Variants in BTBD9 observed in about 807,000 individuals in gnomAD.
BTBD9 encodes BTB/POZ domain-containing protein 9.
Under a neutral mutation model 64.3 loss-of-function variants are expected in BTBD9, and 49 were observed. The observed-to-expected ratio is 0.76, with a 90% confidence interval of 0.61 to 0.97. BTBD9 has a LOEUF of 0.97. Ranked by LOEUF, BTBD9 falls within the 50% of genes least tolerant of loss-of-function variation. The probability of loss-of-function intolerance (pLI) is 0.00; values close to 1 mark genes in which losing one functional copy is unlikely to be tolerated. For synonymous variants in BTBD9, 260 were observed against 274.7 expected, an observed-to-expected ratio of 0.95 and a Z score of 0.53; for missense variants, 598 against 762.1, an observed-to-expected ratio of 0.78 and a Z score of 2.53.
intron 6 of BTBD9, among the ~76,000 whole-genome samples, chr6:38,460,115 T>C (rs1770007609): frequency 6.6e-6 from 1 of 152,246 alleles, no homozygotes; most frequent in Non-Finnish European, 1.5e-5. Context: ...TTTGCTTATA[T>C]TTTAACACCT....
intron 6 of BTBD9, among the ~76,000 whole-genome samples, chr6:38,498,948 A>G (rs1283630597): frequency 6.6e-6 from 1 of 152,212 alleles, no homozygotes; most frequent in South Asian, 2.1e-4. Context: ...CACATCAATT[A>G]TGTGTCATTT....
chr6:38,624,186 A>C (rs767027572), intron 1 of BTBD9, among the ~76,000 whole-genome samples: 2 of 152,208 alleles, frequency 1.3e-5, no homozygotes, highest in Non-Finnish European at 2.9e-5. Context: ...AGGATTCTAA[A>C]AGGAGCCAAT....
chr6:38,225,122 T>C (rs536339254), intron 9 of BTBD9, among the ~76,000 whole-genome samples: 101 of 152,324 alleles, frequency 6.6e-4, no homozygotes, highest in African/African-American at 2.2e-3. Context: ...AGCCTTTGCA[T>C]TTGTACCAAA....
chr6:38,198,023 A>G (rs190408503), intron 9 of BTBD9, among the ~76,000 whole-genome samples: 86 of 152,376 alleles, frequency 5.6e-4, no homozygotes, highest in South Asian at 1.0e-3. Flanking sequence ...CATTTCTTTG[A>G]TTAAAATAAA....
At chr6:38,356,141 T>C (rs1298568994) in intron 6 of BTBD9, among the ~76,000 whole-genome samples, 1 of 152,170 alleles carries the variant, frequency 6.6e-6, no homozygotes, top group African/African-American at 2.4e-5. Flanking sequence ...GTAGATTTTC[T>C]CTACATCCCT....
chr6:38,483,495 T>C (rs963751772), intron 6 of BTBD9, among the ~76,000 whole-genome samples: 6 of 152,038 alleles, frequency 3.9e-5, no homozygotes, highest in Non-Finnish European at 5.9e-5. Context: ...ACTAGAGTTA[T>C]CTTTCAAAAA....
chr6:38,203,012 G>A (rs1762517429), intron 9 of BTBD9, among the ~76,000 whole-genome samples: 1 of 152,002 alleles, frequency 6.6e-6, no homozygotes, highest in African/African-American at 2.4e-5. Context: ...AATGGGCAAA[G>A]GACATGAATA....
At chr6:38,554,174 A>G (rs1774924735) in intron 6 of BTBD9, among the ~76,000 whole-genome samples, 1 of 152,174 alleles carries the variant, frequency 6.6e-6, no homozygotes, top group African/African-American at 2.4e-5. Context: ...CATAAAATAG[A>G]GAAGAAGGAG....
At chr6:38,606,257 T>C (rs1364211396) in intron 1 of BTBD9, among the ~76,000 whole-genome samples, 1 of 152,118 alleles carries the variant, frequency 6.6e-6, no homozygotes, top group Non-Finnish European at 1.5e-5. Context: ...CACCTTGTGA[T>C]CGTGTGAGTC....
At chr6:38,321,913 A>C (rs980175518) in intron 7 of BTBD9, among the ~76,000 whole-genome samples, 11 of 151,734 alleles carry the variant, frequency 7.2e-5, no homozygotes, top group African/African-American at 2.4e-4. Flanking sequence ...AGTCACTGTC[A>C]ATTCTTTCAT....
At position 38,259,818 on chromosome 6, in the gene BTBD9, G is replaced by A. The variant is rs574772484; in HGVS notation, c.1455-3302C>T. Among the ~76,000 whole-genome samples, 58 of 152,298 alleles carry A rather than the reference G, an allele frequency of 3.8e-4. No individual in the cohort carries two copies. The South Asian group carries it at 5.0e-3, about 13-fold the overall frequency. On this transcript the variant is annotated intron_variant, in intron 8 of 10. Transcript: ENST00000481247. Reference sequence around the variant, plus strand: ...TAAATGGGTTTGGAAAGCATTAGTAGATGATACCTACTGATTCTCTTTAAT... The same window carrying A: ...TAAATGGGTTTGGAAAGCATTAGTAAATGATACCTACTGATTCTCTTTAAT...
chr6:38,192,394 AC>A, intron 10 of BTBD9, 124 bp downstream of exon 10: 1 of 831,772 alleles, frequency 1.2e-6, no homozygotes, highest in Non-Finnish European at 2.0e-6. Context: ...GACTTTCTCC[AC>A]ACCAAGCTGT....
At chr6:38,501,428 C>T (rs1663381577) in intron 6 of BTBD9, among the ~76,000 whole-genome samples, 1 of 152,238 alleles carries the variant, frequency 6.6e-6, no homozygotes, top group African/African-American at 2.4e-5. Flanking sequence ...GGACACTCAA[C>T]CTGTATCTTC....
At chr6:38,251,562 G>C (rs2127531847) in intron 9 of BTBD9, among the ~76,000 whole-genome samples, 1 of 152,224 alleles carries the variant, frequency 6.6e-6, no homozygotes, top group South Asian at 2.1e-4. Flanking sequence ...ATTGCGGCCA[G>C]GCTGCTTTCT....
At chr6:38,424,688 T>C (rs1041569836) in intron 6 of BTBD9, among the ~76,000 whole-genome samples, 9 of 151,674 alleles carry the variant, frequency 5.9e-5, no homozygotes, top group Middle Eastern at 3.4e-3. Context: ...GGCTTATTTT[T>C]GTATTTTTAG....
At chr6:38,463,375 C>T (rs2127355429) in intron 6 of BTBD9, among the ~76,000 whole-genome samples, 1 of 152,306 alleles carries the variant, frequency 6.6e-6, no homozygotes, top group East Asian at 1.9e-4. Context: ...TACTTCTCTT[C>T]CTTGCCTTAC....
At chr6:38,582,645 A>C (rs922607534) in intron 4 of BTBD9, among the ~76,000 whole-genome samples, 5 of 152,260 alleles carry the variant, frequency 3.3e-5, no homozygotes, top group African/African-American at 1.2e-4. Context: ...TTAGACCCAG[A>C]GGAAAGAAAC....
chr6:38,202,397 T>A (rs1221343014), intron 9 of BTBD9, among the ~76,000 whole-genome samples: 4 of 151,426 alleles, frequency 2.6e-5, no homozygotes, highest in Admixed American at 6.6e-5. Context: ...TGTCATTTTT[T>A]ACAGAAACAG....
rs183060980 is a variant in BTBD9 at position 38,365,199 on chromosome 6, T to C, written c.1155-20106A>G. ...CCTTACCTGTTTTCACTCATTAAAT[T>C]CTCTTAACTTATGAGGTAGGCATTA... On this transcript the variant is annotated intron_variant, in intron 6 of 10. Transcript: ENST00000481247. Among the ~76,000 whole-genome samples, 8 of 152,306 alleles carry C rather than the reference T, an allele frequency of 5.3e-5. No homozygotes were observed. The East Asian group carries it at 1.3e-3, about 26-fold the overall frequency.
Sources: allele counts gnomAD v4.1 joint callset (sites outside exome capture counted in the v4.1 genomes callset), GRCh38; gene constraint gnomAD v4.1.1; transcripts MANE v1.5; gene names NCBI Gene and HGNC (gene_info 2026-07-23, HGNC 2026-07-21).